The following KCNN2 variants were observed in gnomAD, a reference collection of about 807,000 sequenced individuals.
KCNN2 encodes the protein potassium calcium-activated channel subfamily N member 2, also known as small conductance calcium-activated potassium channel protein 2.
Under a neutral mutation model 55.5 loss-of-function variants are expected in KCNN2, and 24 were observed. The ratio of observed to expected loss-of-function variants is 0.43; its 90% confidence interval spans 0.31 to 0.61. KCNN2 has a LOEUF of 0.61. Among genes scored for constraint, KCNN2 ranks in the 20% least tolerant of loss-of-function variants. The pLI is 0.08. For missense variants in KCNN2, 754 were observed against 853.6 expected, an observed-to-expected ratio of 0.88 and a Z score of 1.45; for synonymous variants, 431 against 336.1, an observed-to-expected ratio of 1.28 and a Z score of -3.09.
At chr5:114,148,938 C>T (rs182658055) in intron 1 of KCNN2, among the ~76,000 whole-genome samples, 1 of 152,090 alleles carries the variant, frequency 6.6e-6, no homozygotes, top group Non-Finnish European at 1.5e-5. Flanking sequence ...GTAAAGTGAC[C>T]TGAATAAGAG....
intron 2 of KCNN2, among the ~76,000 whole-genome samples, chr5:114,387,840 A>T (rs1758332223): frequency 6.6e-6 from 1 of 152,204 alleles, no homozygotes; most frequent in South Asian, 2.1e-4. Context: ...GCCAGTTGGC[A>T]GTAGAGGGCT....
intron 1 of KCNN2, among the ~76,000 whole-genome samples, chr5:114,074,340 G>GCA (rs1322201535): frequency 2.0e-5 from 3 of 151,822 alleles, no homozygotes; most frequent in Middle Eastern, 3.4e-3. Flanking sequence ...GCGCGCGCGC[G>GCA]CCAGAGAGAA....
At chr5:114,092,927 G>A (rs1476575730) in intron 1 of KCNN2, among the ~76,000 whole-genome samples, 1 of 152,160 alleles carries the variant, frequency 6.6e-6, no homozygotes, top group Non-Finnish European at 1.5e-5. Context: ...CTGCCGTGAA[G>A]ACCTCTGACA....
chr5:114,144,331 T>C (rs1463859668), intron 1 of KCNN2, among the ~76,000 whole-genome samples: 1 of 152,206 alleles, frequency 6.6e-6, no homozygotes, highest in African/African-American at 2.4e-5. Context: ...GATCAATACC[T>C]GACTGAGAAT....
At chr5:114,278,710 C>T (rs530749257) in intron 2 of KCNN2, among the ~76,000 whole-genome samples, 5 of 152,316 alleles carry the variant, frequency 3.3e-5, no homozygotes, top group South Asian at 2.1e-4. Flanking sequence ...CTGCCGGTTG[C>T]GAAGACCATG....
chr5:114,449,245 T>C (rs1760544692), intron 3 of KCNN2, among the ~76,000 whole-genome samples: 1 of 152,088 alleles, frequency 6.6e-6, no homozygotes, highest in Non-Finnish European at 1.5e-5. Context: ...TCTCCAGCCC[T>C]CTTTTCAGTC....
intron 2 of KCNN2, among the ~76,000 whole-genome samples, chr5:114,272,424 TGTACGTACATATCATATAC>T (rs1561549155): frequency 1.8e-3 from 17 of 9,586 alleles, no homozygotes; most frequent in Non-Finnish European, 0.014. Context: ...TACACACATA[TGTACGTACATATCATATAC>T]ACACATATGT....
chr5:114,235,613 T>C (rs1390498684), intron 2 of KCNN2, among the ~76,000 whole-genome samples: 2 of 152,228 alleles, frequency 1.3e-5, no homozygotes, highest in Non-Finnish European at 2.9e-5. Flanking sequence ...CATGTGCTTT[T>C]GCTATGTTTC....
At chr5:114,295,203 T>G (rs1580702166) in intron 2 of KCNN2, among the ~76,000 whole-genome samples, 1 of 152,338 alleles carries the variant, frequency 6.6e-6, no homozygotes, top group African/African-American at 2.4e-5. Context: ...AGCTGCGTGC[T>G]GGGAGAACCG....
intron 2 of KCNN2, among the ~76,000 whole-genome samples, chr5:114,262,015 G>T (rs72799610): frequency 0.11 from 16,545 of 152,204 alleles, 1,147 homozygotes; most frequent in South Asian, 0.22. Flanking sequence ...GAAATCCTCA[G>T]GGTGGCATGG....
intron 1 of KCNN2, among the ~76,000 whole-genome samples, chr5:114,151,687 A>G (rs936998423): frequency 1.3e-5 from 2 of 152,158 alleles, no homozygotes; most frequent in African/African-American, 4.8e-5. Context: ...GAGCTTTTCT[A>G]GAGTCACCAC....
rs371017995 is a variant in KCNN2 at position 114,099,691 on chromosome 5, A to C, written c.-271+43191A>C. On this transcript the variant is annotated intron_variant, in intron 1 of 10. Transcript: ENST00000512097. ...GAGTTCATTGGCAATTGTGCTATTT[A>C]TGATTTTGTTCTTGGAAAAATTTTT... is the stretch of plus-strand genomic sequence containing the variant. Among the ~76,000 whole-genome samples, 36 of 152,170 alleles carry C rather than the reference A, an allele frequency of 2.4e-4. No homozygotes were observed. In the South Asian group the frequency reaches 5.6e-3, roughly 24 times the overall value.
intron 1 of KCNN2, among the ~76,000 whole-genome samples, chr5:114,157,455 G>A (rs1013377252): frequency 9.9e-5 from 15 of 151,842 alleles, no homozygotes; most frequent in East Asian, 3.9e-4. Flanking sequence ...GAATAGTGCC[G>A]CAATAAACAT....
At chr5:114,267,191 C>T (rs1239300703) in intron 2 of KCNN2, among the ~76,000 whole-genome samples, 1 of 152,138 alleles carries the variant, frequency 6.6e-6, no homozygotes, top group Non-Finnish European at 1.5e-5. Flanking sequence ...GACGGGGTTT[C>T]ACCATATTGG....
intron 5 of KCNN2, 193 bp from the exon 6 acceptor site, chr5:114,486,857 T>A (rs1453338523): frequency 1.5e-5 from 17 of 1,168,118 alleles, no homozygotes; most frequent in Middle Eastern, 4.0e-4. Context: ...TATTTCAATT[T>A]AAGTGTTGTT....
chr5:114,462,752 G>A lies in KCNN2; in HGVS notation c.1638-297G>A, dbSNP rs558487288. 8.5e-5 allele frequency among the ~76,000 whole-genome samples: 13 copies of A among 152,306 alleles called. 1 individual carries two copies. The South Asian group carries it at 1.0e-3, about 12-fold the overall frequency. On this transcript the variant is annotated intron_variant, in intron 3 of 7. Coordinates refer to ENST00000673685, the MANE Select transcript of KCNN2 (RefSeq NM_021614.4). ...AGCTAGGCAAGGAGTGACGAGACAC[G>A]GGCAGGGGCCGGAGGAGTCTACAAA...
chr5:114,382,445 G>C lies in KCNN2; in HGVS notation c.1218+18444G>C, dbSNP rs17136546. On this transcript the variant is annotated intron_variant, in intron 2 of 7. Transcript: ENST00000673685. ...GTTCGATGTGTATATATCTTTGTGA[G>C]GTTATTTCTTCTCTTGGGAAAATAG... Among the ~76,000 whole-genome samples, 795 of 152,256 alleles carry C rather than the reference G, an allele frequency of 5.2e-3. 15 individuals carry two copies. Among genetic ancestry groups the C allele is most frequent in the Admixed American group, 0.038 (574 of 15,296 alleles).
intron 1 of KCNN2, among the ~76,000 whole-genome samples, chr5:114,061,415 T>C (rs761020668): frequency 6.6e-6 from 1 of 152,190 alleles, no homozygotes; most frequent in East Asian, 1.9e-4. Flanking sequence ...TTTCACAACT[T>C]TATGAGATAG....
At chr5:114,156,426 A>G (rs777404386) in intron 1 of KCNN2, among the ~76,000 whole-genome samples, 49 of 152,230 alleles carry the variant, frequency 3.2e-4, no homozygotes, top group Non-Finnish European at 4.0e-4. Context: ...AAGAATGTCA[A>G]TGGTAGTTTA....
Sources: allele counts gnomAD v4.1 joint callset (sites outside exome capture counted in the v4.1 genomes callset), GRCh38; gene constraint gnomAD v4.1.1; transcripts MANE v1.5; gene names NCBI Gene and HGNC (gene_info 2026-07-23, HGNC 2026-07-21).